Variants in CDH9 observed in about 807,000 individuals in gnomAD.
CDH9 encodes the protein cadherin 9.
In CDH9, 28 loss-of-function variants were observed where a neutral mutation model predicts 70.9. That is an observed-to-expected ratio of 0.40 (90% CI 0.29 to 0.54). The LOEUF is 0.54. Ranked by LOEUF, CDH9 falls within the 20% of genes least tolerant of loss-of-function variation. The probability of loss-of-function intolerance (pLI) is 0.59; values close to 1 mark genes in which losing one functional copy is unlikely to be tolerated. For missense variants in CDH9, 874 were observed against 984.4 expected (o/e 0.89, Z 1.50); for synonymous variants, 409 against 343.1 (o/e 1.19, Z -2.12).
chr5:26,891,476 G>A (rs760542334), intron 7 of CDH9, among the ~76,000 whole-genome samples: 69 of 152,162 alleles, frequency 4.5e-4, no homozygotes, highest in Non-Finnish European at 7.4e-4. Flanking sequence ...TCAGGAGTTC[G>A]AGACCAGCCT....
intron 1 of CDH9, among the ~76,000 whole-genome samples, chr5:27,009,385 A>G (rs1335263869): frequency 1.3e-5 from 2 of 152,186 alleles, no homozygotes; most frequent in Non-Finnish European, 1.5e-5. Flanking sequence ...TGTAAACACA[A>G]TAAATGATTT....
At position 26,936,029 on chromosome 5, in the gene CDH9, ATAAGTAGGGGC is replaced by A. The variant is rs1174843605; in HGVS notation, c.229-20116_229-20106del. 2.6e-5 allele frequency among the ~76,000 whole-genome samples: 4 copies of A among 152,164 alleles called. No homozygotes were observed. The East Asian group carries it at 7.7e-4, about 29-fold the overall frequency. On this transcript the variant is annotated intron_variant, in intron 2 of 11. Coordinates refer to ENST00000231021, the MANE Select transcript of CDH9 (RefSeq NM_016279.4). ...AACCAAATATCATACATTTTCATTCATAAGTAGGGGCTAAGCTATAAGGATGTGAAGGCGTG... is the reference window on the plus strand; with the variant it reads ...AACCAAATATCATACATTTTCATTCATAAGCTATAAGGATGTGAAGGCGTG...
intron 2 of CDH9, among the ~76,000 whole-genome samples, chr5:26,968,941 A>G (rs1408209204): frequency 6.6e-6 from 1 of 152,186 alleles, no homozygotes; most frequent in African/African-American, 2.4e-5. Flanking sequence ...CTGAACTGAA[A>G]CACACAGTCT....
At chr5:26,898,552 C>A (rs564999330) in intron 7 of CDH9, among the ~76,000 whole-genome samples, 3 of 152,122 alleles carry the variant, frequency 2.0e-5, no homozygotes, top group African/African-American at 7.2e-5. Flanking sequence ...ACAAACCTGA[C>A]AAAAGCAAGA....
At chr5:27,012,213 C>T (rs1742970603) in intron 1 of CDH9, among the ~76,000 whole-genome samples, 1 of 151,794 alleles carries the variant, frequency 6.6e-6, no homozygotes, top group Non-Finnish European at 1.5e-5. Flanking sequence ...ATATGTAATT[C>T]TACTTAAATG....
intron 2 of CDH9, among the ~76,000 whole-genome samples, chr5:26,968,577 T>A (rs1485244231): frequency 6.6e-6 from 1 of 152,156 alleles, no homozygotes; most frequent in Admixed American, 6.6e-5. Flanking sequence ...TAAAAATGAA[T>A]AGTTATTATC....
chr5:26,950,585 C>G (rs972417915), intron 2 of CDH9, among the ~76,000 whole-genome samples: 3 of 152,046 alleles, frequency 2.0e-5, no homozygotes, highest in Non-Finnish European at 4.4e-5. Flanking sequence ...ACATCAGTTC[C>G]TGCTGCATCA....
intron 11 of CDH9, among the ~76,000 whole-genome samples, chr5:26,882,948 C>T (rs77526011): frequency 0.11 from 16,529 of 149,436 alleles, 1,508 homozygotes; most frequent in East Asian, 0.46. Context: ...CTCTTCCTAA[C>T]TGAAAGTAAG....
intron 7 of CDH9, chr5:26,890,766 C>G: frequency 2.0e-6 from 1 of 509,764 alleles, no homozygotes; most frequent in Non-Finnish European, 3.5e-6. Flanking sequence ...CTATATTATC[C>G]TATGTGTACT....
chr5:26,958,437 C>T (rs1164630520), intron 2 of CDH9, among the ~76,000 whole-genome samples: 2 of 152,190 alleles, frequency 1.3e-5, no homozygotes, highest in Non-Finnish European at 2.9e-5. Flanking sequence ...CCTGATCTCT[C>T]TGCGTGCCTC....
At position 26,988,285 on chromosome 5, in the gene CDH9, G is replaced by C. The variant is rs777575404; in HGVS notation, c.49C>G (p.His17Asp). The part of the protein sequence containing the change: ...IPLFIWTYMF[H>D]TVDTILLQEK... ...TGTAATAGGATGGTGTCAACTGTAT[G>C]GAACATATAGGTCCAGATGAATAAT... The change falls in exon 2 of 12, where the codon CAT becomes GAT. Residue 17 changes from histidine to aspartate, a missense_variant. By Grantham distance (81) the His-to-Asp change is moderately conservative. Coordinates refer to ENST00000231021, the MANE Select transcript of CDH9 (RefSeq NM_016279.4). 6.2e-7 allele frequency: 1 copy of C among 1,613,250 alleles called. No homozygotes were observed. Among genetic ancestry groups the C allele is most frequent in the Non-Finnish European group, 8.5e-7 (1 of 1,179,456 alleles).
At chr5:26,993,698 C>CAAAAAAA (rs34545141) in intron 1 of CDH9, among the ~76,000 whole-genome samples, 11 of 50,994 alleles carry the variant, frequency 2.2e-4, no homozygotes, top group African/African-American at 7.5e-4. Context: ...TATTCAGCTG[C>CAAAAAAA]AAAAAAAAAA....
At chr5:27,006,220 G>A (rs190137510) in intron 1 of CDH9, among the ~76,000 whole-genome samples, 1 of 152,062 alleles carries the variant, frequency 6.6e-6, no homozygotes, top group Non-Finnish European at 1.5e-5. Flanking sequence ...TCATATGAAA[G>A]AGAGGTTTAG....
intron 1 of CDH9, among the ~76,000 whole-genome samples, chr5:27,019,875 C>A (rs1743108203): frequency 6.6e-6 from 1 of 151,604 alleles, no homozygotes; most frequent in Admixed American, 6.6e-5. Context: ...ATTCGTCTAC[C>A]ACATAGGGAA....
chr5:26,976,571 G>A (rs1742305801), intron 2 of CDH9, among the ~76,000 whole-genome samples: 1 of 152,074 alleles, frequency 6.6e-6, no homozygotes, highest in African/African-American at 2.4e-5. Context: ...CCAAAGAGCT[G>A]AGACCACAGG....
rs201154706 is a variant in CDH9, at chr5:26,987,091, CTT to C, written c.228+1013_228+1014del. On this transcript the variant is annotated intron_variant, in intron 2 of 11. Transcript: ENST00000231021. ...ATTTGTGATATTAGGCACTTGTATTCTTTTTTTTTTTTTTTTTTTTTTCATTT... is the reference window on the plus strand; with the variant it reads ...ATTTGTGATATTAGGCACTTGTATTCTTTTTTTTTTTTTTTTTTTTCATTT... Among the ~76,000 whole-genome samples the C allele has an allele frequency of 8.4e-3, 906 of 108,238 alleles. 3 individuals carry two copies. Among genetic ancestry groups the C allele is most frequent in the African/African-American group, 0.029 (855 of 29,504 alleles). 71.0% of individuals were successfully genotyped at this position (108,238 alleles called of 152,430 possible).
chr5:27,030,292 T>C (rs959989478), intron 1 of CDH9, among the ~76,000 whole-genome samples: 4 of 151,924 alleles, frequency 2.6e-5, no homozygotes, highest in African/African-American at 9.7e-5. Flanking sequence ...ATAAAATACA[T>C]TGATCCATTT....
At chr5:26,932,739 C>A (rs1432458656) in intron 2 of CDH9, among the ~76,000 whole-genome samples, 2 of 151,906 alleles carry the variant, frequency 1.3e-5, no homozygotes, top group South Asian at 2.1e-4. Context: ...AGACTATTCA[C>A]ATTTAAATAA....
chr5:26,888,841 C>T (rs529469424), intron 9 of CDH9, among the ~76,000 whole-genome samples: 2 of 152,188 alleles, frequency 1.3e-5, no homozygotes, highest in South Asian at 4.1e-4. Flanking sequence ...TTTCCTTGGC[C>T]CACGAATTCA....
Sources: gnomAD v4.1 joint callset for allele counts (sites outside exome capture counted in the v4.1 genomes callset) on GRCh38, gnomAD v4.1.1 for gene constraint, MANE v1.5 for transcripts, NCBI Gene and HGNC (gene_info 2026-07-23, HGNC 2026-07-21) for gene names.